PTPRN2: variants seen among roughly 807,000 people sequenced by gnomAD.
PTPRN2 encodes the protein receptor-type tyrosine-protein phosphatase N2.
In PTPRN2, 74 loss-of-function variants were observed where a neutral mutation model predicts 118.8. The ratio of observed to expected loss-of-function variants is 0.62; its 90% confidence interval spans 0.52 to 0.76. The LOEUF is 0.76. Ranked by LOEUF, PTPRN2 falls within the 30% of genes least tolerant of loss-of-function variation. The pLI is 0.00. For synonymous variants in PTPRN2, 641 were observed against 608.0 expected, an observed-to-expected ratio of 1.05 and a Z score of -0.80; for missense variants, 1,481 against 1,394.4, an observed-to-expected ratio of 1.06 and a Z score of -0.99.
intron 1 of PTPRN2, among the ~76,000 whole-genome samples, chr7:158,523,668 T>G (rs1423045391): frequency 6.8e-6 from 1 of 146,282 alleles, no homozygotes; most frequent in African/African-American, 2.6e-5. Flanking sequence ...TGGAGTCGTC[T>G]GCCCTGGAGC....
chr7:157,873,682 T>C (rs995214126), intron 12 of PTPRN2, among the ~76,000 whole-genome samples: 1 of 149,422 alleles, frequency 6.7e-6, no homozygotes, highest in Non-Finnish European at 1.5e-5. Flanking sequence ...AAGGTCTGTC[T>C]CGTCGTGGGG....
At chr7:158,077,153 A>G (rs556705680) in intron 11 of PTPRN2, among the ~76,000 whole-genome samples, 24 of 152,332 alleles carry the variant, frequency 1.6e-4, no homozygotes, top group African/African-American at 4.6e-4. Flanking sequence ...GGGTCCAGGC[A>G]TCGGCACAGA....
chr7:157,694,538 G>T (rs1369968586), intron 12 of PTPRN2, among the ~76,000 whole-genome samples: 2 of 152,166 alleles, frequency 1.3e-5, no homozygotes, highest in African/African-American at 4.8e-5. Flanking sequence ...AGAAGAACGC[G>T]TTTGTATTTG....
chr7:157,577,162 T>C (rs1800101168), intron 18 of PTPRN2, among the ~76,000 whole-genome samples: 1 of 152,258 alleles, frequency 6.6e-6, no homozygotes, highest in Non-Finnish European at 1.5e-5. Flanking sequence ...CTACATGTTC[T>C]GCTCAGTGGT....
intron 1 of PTPRN2, among the ~76,000 whole-genome samples, chr7:158,516,072 C>T (rs1468344513): frequency 6.6e-6 from 1 of 152,266 alleles, no homozygotes; most frequent in African/African-American, 2.4e-5. Flanking sequence ...CTCTGGGCTT[C>T]TCCCCACGCC....
Position 157,576,926 on chromosome 7 carries a change from C to T in PTPRN2, c.2617-147G>A, listed in dbSNP as rs111729424. 1.9e-5 allele frequency: 14 copies of T among 754,334 alleles called. No individual in the cohort carries two copies. The African/African-American group carries it at 2.1e-4, about 11-fold the overall frequency. The allele number at this position is 754,334 out of a possible 1,614,324, so 46.7% of individuals were successfully genotyped here. On this transcript the variant is annotated intron_variant, in intron 18 of 22. Coordinates refer to ENST00000389418, the MANE Select transcript of PTPRN2 (RefSeq NM_002847.5). The stretch of plus-strand genomic sequence containing the variant: ...ATTTTACAGCGCAGGTGGGTTCCCT[C>T]GGCTTCGCGGCCCCCTCCCACCTTC...
At chr7:157,542,172 C>T (rs974568545) in intron 22 of PTPRN2, among the ~76,000 whole-genome samples, 1 of 152,174 alleles carries the variant, frequency 6.6e-6, no homozygotes, top group Non-Finnish European at 1.5e-5. Context: ...GGTCCGCAAA[C>T]GTTCTGTCTA....
intron 2 of PTPRN2, among the ~76,000 whole-genome samples, chr7:158,450,574 G>A (rs1818030883): frequency 6.6e-6 from 1 of 152,214 alleles, no homozygotes; most frequent in South Asian, 2.1e-4. Flanking sequence ...CGACTTGATG[G>A]AAGCTGTGCT....
intron 11 of PTPRN2, among the ~76,000 whole-genome samples, chr7:157,989,689 C>G (rs1322249170): frequency 2.6e-5 from 4 of 151,200 alleles, no homozygotes; most frequent in Non-Finnish European, 5.9e-5. Flanking sequence ...GCAGCGGGGG[C>G]GGGTGCCACC....
intron 7 of PTPRN2, among the ~76,000 whole-genome samples, chr7:158,137,194 G>A (rs927232192): frequency 1.3e-5 from 2 of 152,118 alleles, no homozygotes; most frequent in Non-Finnish European, 2.9e-5. Context: ...CAAGGTGGGC[G>A]GATCATGAGG....
intron 2 of PTPRN2, among the ~76,000 whole-genome samples, chr7:158,440,932 A>G (rs1463870925): frequency 1.6e-5 from 2 of 121,710 alleles, no homozygotes; most frequent in East Asian, 2.6e-4. Flanking sequence ...GATAGTGGTG[A>G]TGGTGGTGGT....
intron 2 of PTPRN2, among the ~76,000 whole-genome samples, chr7:158,432,823 T>C (rs1329763921): frequency 5.3e-5 from 8 of 152,090 alleles, no homozygotes; most frequent in Admixed American, 2.0e-4. Flanking sequence ...CTTACACTCC[T>C]GCTACAAAAG....
At chr7:158,195,212 A>G (rs966523846) in intron 4 of PTPRN2, among the ~76,000 whole-genome samples, 2 of 152,142 alleles carry the variant, frequency 1.3e-5, no homozygotes, top group East Asian at 1.9e-4. Context: ...CTTCCATGGG[A>G]TATGGAATTC....
chr7:157,766,219 A>C lies in PTPRN2; in HGVS notation c.1789-83282T>G, dbSNP rs374136012. Among the ~76,000 whole-genome samples the C allele has an allele frequency of 9.9e-4, 104 of 105,094 alleles. No homozygotes were observed. In the East Asian group the frequency reaches 0.013, roughly 13 times the overall value. 68.9% of individuals were successfully genotyped at this position (105,094 alleles called of 152,430 possible). A position where few individuals can be genotyped will look rare whatever the true frequency, so the allele number is the denominator to read the frequency against. Reference sequence around the variant, plus strand: ...TCCATCCATCCATCCATCCACCCACACACCCATCCATCCATCCAACCATCC... The same window carrying C: ...TCCATCCATCCATCCATCCACCCACCCACCCATCCATCCATCCAACCATCC... On this transcript the variant is annotated intron_variant, in intron 12 of 22. Coordinates refer to ENST00000389418, the MANE Select transcript of PTPRN2 (RefSeq NM_002847.5).
intron 12 of PTPRN2, among the ~76,000 whole-genome samples, chr7:157,706,865 C>A (rs1798358834): frequency 6.6e-6 from 1 of 151,604 alleles, no homozygotes; most frequent in Non-Finnish European, 1.5e-5. Flanking sequence ...ATGAGCGAAT[C>A]TGACCCCAGT....
chr7:157,890,628 C>T (rs184648212), intron 12 of PTPRN2, among the ~76,000 whole-genome samples: 11 of 152,260 alleles, frequency 7.2e-5, no homozygotes, highest in African/African-American at 1.9e-4. Flanking sequence ...GGCGACAGAG[C>T]GAGACTGTGT....
At chr7:158,076,779 C>T (rs1334417284) in intron 11 of PTPRN2, among the ~76,000 whole-genome samples, 2 of 152,202 alleles carry the variant, frequency 1.3e-5, no homozygotes, top group Non-Finnish European at 2.9e-5. Context: ...CCCTGCCCTC[C>T]CCGATGTGCC....
intron 10 of PTPRN2, among the ~76,000 whole-genome samples, chr7:158,089,591 ACACAAACCTTCTTCCCCTGATG>A (rs1585401690): frequency 9.6e-4 from 55 of 57,220 alleles, no homozygotes; most frequent in South Asian, 2.5e-3. Flanking sequence ...GGGAGTCTTC[ACACAAACCTTCTTCCCCTGATG>A]AAAGAGGGAG....
intron 10 of PTPRN2, among the ~76,000 whole-genome samples, chr7:158,097,376 G>C (rs776634391): frequency 6.6e-6 from 1 of 152,126 alleles, no homozygotes; most frequent in African/African-American, 2.4e-5. Flanking sequence ...CTGCCTCTTC[G>C]GTAATAACAC....
Sources: gnomAD v4.1 joint callset for allele counts (sites outside exome capture counted in the v4.1 genomes callset) on GRCh38, gnomAD v4.1.1 for gene constraint, MANE v1.5 for transcripts, NCBI Gene and HGNC (gene_info 2026-07-23, HGNC 2026-07-21) for gene names.